The following PTPRD variants were observed in gnomAD, a reference collection of about 807,000 sequenced individuals.
PTPRD encodes protein tyrosine phosphatase receptor type D, also known as receptor-type tyrosine-protein phosphatase delta.
PTPRD carries 34 observed loss-of-function variants against 214.5 expected under a neutral mutation model. The observed-to-expected ratio is 0.16, with a 90% CI of 0.12 to 0.21. The LOEUF is 0.21. Ranked by LOEUF, PTPRD falls within the 10% of genes least tolerant of loss-of-function variation. The pLI, the probability that PTPRD is intolerant of heterozygous loss-of-function variation, is 1.00. For synonymous variants in PTPRD, 1,128 were observed against 845.7 expected, an observed-to-expected ratio of 1.33 and a Z score of -5.79; for missense variants, 2,545 against 2,398.7, an observed-to-expected ratio of 1.06 and a Z score of -1.27.
intron 3 of PTPRD, among the ~76,000 whole-genome samples, chr9:10,250,185 A>G (rs973041248): frequency 1.3e-5 from 2 of 152,170 alleles, no homozygotes; most frequent in Non-Finnish European, 2.9e-5. Flanking sequence ...CATTAACTTT[A>G]GGAGGCGGGA....
chr9:9,580,851 T>C (rs1179285068), intron 7 of PTPRD, among the ~76,000 whole-genome samples: 2 of 151,836 alleles, frequency 1.3e-5, no homozygotes, highest in Admixed American at 1.3e-4. Context: ...GCCCAGCCCT[T>C]AGCCTACTTT....
At chr9:9,264,769 A>C (rs1594799366) in intron 9 of PTPRD, among the ~76,000 whole-genome samples, 1 of 151,750 alleles carries the variant, frequency 6.6e-6, no homozygotes, top group Admixed American at 6.6e-5. Context: ...AGACAGAGAT[A>C]ATTTTTAAAG....
intron 2 of PTPRD, among the ~76,000 whole-genome samples, chr9:10,440,922 G>C (rs947088597): frequency 1.3e-5 from 2 of 151,652 alleles, no homozygotes; most frequent in African/African-American, 2.4e-5. Context: ...TGAAACCACT[G>C]AATGTGAATC....
intron 2 of PTPRD, among the ~76,000 whole-genome samples, chr9:10,589,855 A>G (rs1460310535): frequency 6.6e-6 from 1 of 152,096 alleles, no homozygotes; most frequent in Non-Finnish European, 1.5e-5. Context: ...TCTGCCTGGA[A>G]CGCCTAAGAA....
chr9:9,008,184 A>G (rs2099489602), intron 11 of PTPRD, among the ~76,000 whole-genome samples: 1 of 134,450 alleles, frequency 7.4e-6, no homozygotes, highest in African/African-American at 2.7e-5. Context: ...CTGTTAGGTA[A>G]CACAGGCCTT....
At chr9:8,762,102 G>A (rs2094449340) in intron 11 of PTPRD, among the ~76,000 whole-genome samples, 1 of 152,070 alleles carries the variant, frequency 6.6e-6, no homozygotes, top group South Asian at 2.1e-4. Context: ...TTTAGGGGAT[G>A]TGTGTGTGTA....
At chr9:8,380,745 C>G (rs1264564759) in intron 37 of PTPRD, among the ~76,000 whole-genome samples, 1 of 152,084 alleles carries the variant, frequency 6.6e-6, no homozygotes, top group African/African-American at 2.4e-5. Context: ...GTCTGCTGAA[C>G]ATGCTTTGGG....
At chr9:8,867,958 C>T (rs957717221) in intron 11 of PTPRD, among the ~76,000 whole-genome samples, 1 of 152,076 alleles carries the variant, frequency 6.6e-6, no homozygotes, top group Non-Finnish European at 1.5e-5. Flanking sequence ...CTTTATAGGG[C>T]ACAAGCACAT....
At chr9:9,503,592 A>T (rs958754305) in intron 8 of PTPRD, among the ~76,000 whole-genome samples, 1 of 151,792 alleles carries the variant, frequency 6.6e-6, no homozygotes, top group Non-Finnish European at 1.5e-5. Context: ...TACAGTAAAT[A>T]TTGCATAGGA....
At chr9:8,552,880 A>G (rs2082524787) in intron 14 of PTPRD, among the ~76,000 whole-genome samples, 1 of 152,178 alleles carries the variant, frequency 6.6e-6, no homozygotes, top group African/African-American at 2.4e-5. Flanking sequence ...GAGCCCCACG[A>G]CTGCCGCTGT....
intron 7 of PTPRD, among the ~76,000 whole-genome samples, chr9:9,588,035 A>T (rs780071985): frequency 1.3e-5 from 2 of 152,036 alleles, no homozygotes; most frequent in Non-Finnish European, 2.9e-5. Context: ...ATAATACACA[A>T]GATCATGGAT....
At chr9:10,584,587 T>C (rs1352271698) in intron 2 of PTPRD, among the ~76,000 whole-genome samples, 1 of 152,166 alleles carries the variant, frequency 6.6e-6, no homozygotes, top group Non-Finnish European at 1.5e-5. Context: ...CATTTTCTCT[T>C]CCAGCTCTTG....
intron 10 of PTPRD, among the ~76,000 whole-genome samples, chr9:9,062,032 A>T (rs324502): frequency 0.97 from 148,262 of 152,182 alleles, 72,347 homozygotes; most frequent in Middle Eastern, 1. Flanking sequence ...TACAAATATT[A>T]CTCCCTCATC....
intron 11 of PTPRD, among the ~76,000 whole-genome samples, chr9:8,791,633 T>C (rs572504763): frequency 6.6e-6 from 1 of 150,634 alleles, no homozygotes; most frequent in South Asian, 2.1e-4. Context: ...TTTCAAGCGA[T>C]TCTGGAGGAG....
At chr9:10,608,409 C>G (rs13302622) in intron 2 of PTPRD, among the ~76,000 whole-genome samples, 15 of 151,958 alleles carry the variant, frequency 9.9e-5, no homozygotes, top group Non-Finnish European at 1.9e-4. Context: ...CAAAAACACT[C>G]CAAATAAACA....
intron 3 of PTPRD, among the ~76,000 whole-genome samples, chr9:10,299,729 C>T (rs115780358): frequency 5.0e-3 from 768 of 152,170 alleles, no homozygotes; most frequent in African/African-American, 0.018. Flanking sequence ...TAGCTGGAAG[C>T]AGATACATTT....
At chr9:9,661,251 A>G (rs2096616770) in intron 7 of PTPRD, among the ~76,000 whole-genome samples, 2 of 151,928 alleles carry the variant, frequency 1.3e-5, no homozygotes, top group Admixed American at 6.6e-5. Context: ...TCGATTTTCA[A>G]TAAATAAAAA....
chr9:8,955,609 T>A (rs907840124), intron 11 of PTPRD, among the ~76,000 whole-genome samples: 1 of 151,344 alleles, frequency 6.6e-6, no homozygotes, highest in African/African-American at 2.4e-5. Flanking sequence ...GCTATTTCTG[T>A]TTTTTATTTT....
chr9:10,372,539 C>G (rs73644434), intron 2 of PTPRD, among the ~76,000 whole-genome samples: 3,048 of 152,098 alleles, frequency 0.02, 78 homozygotes, highest in African/African-American at 0.063. Flanking sequence ...CTTTGTCTGC[C>G]ATTAACACTT....
Sources: gnomAD v4.1 joint callset for allele counts (sites outside exome capture counted in the v4.1 genomes callset) on GRCh38, gnomAD v4.1.1 for gene constraint, MANE v1.5 for transcripts, NCBI Gene and HGNC (gene_info 2026-07-23, HGNC 2026-07-21) for gene names.